PARD3: variants seen among roughly 807,000 people sequenced by gnomAD.
PARD3 encodes partitioning defective 3 homolog.
PARD3 carries 75 observed loss-of-function variants against 155.4 expected under a neutral mutation model. That is an observed-to-expected ratio of 0.48 (90% CI 0.40 to 0.58). The LOEUF is 0.58. PARD3 is among the 20% of genes least tolerant of loss of function. The pLI, the probability that PARD3 is intolerant of heterozygous loss-of-function variation, is 0.00. For synonymous variants in PARD3, 576 were observed against 610.5 expected (o/e 0.94, Z 0.83); for missense variants, 1,642 against 1,721.7 (o/e 0.95, Z 0.82).
intron 22 of PARD3, among the ~76,000 whole-genome samples, chr10:34,186,680 G>A (rs938023751): frequency 2.0e-5 from 3 of 152,112 alleles, no homozygotes; most frequent in Non-Finnish European, 4.4e-5. Flanking sequence ...AACCTCAAAA[G>A]GCCATGTAAG....
At chr10:34,758,409 A>G (rs978337315) in intron 1 of PARD3, among the ~76,000 whole-genome samples, 5 of 152,234 alleles carry the variant, frequency 3.3e-5, no homozygotes, top group Non-Finnish European at 7.3e-5. Context: ...AAAGTGGCAG[A>G]GCATTATTCC....
chr10:34,116,789 A>G (rs1564404783), intron 24 of PARD3, among the ~76,000 whole-genome samples: 1 of 152,256 alleles, frequency 6.6e-6, no homozygotes, highest in Non-Finnish European at 1.5e-5. Flanking sequence ...CAATTAACCC[A>G]GAGGGAAAGC....
intron 12 of PARD3, among the ~76,000 whole-genome samples, chr10:34,360,827 C>A (rs1483118698): frequency 1.3e-5 from 2 of 152,226 alleles, no homozygotes; most frequent in East Asian, 3.9e-4. Flanking sequence ...TATACAACAT[C>A]ACAGAAAACT....
chr10:34,606,638 C>CAAAA (rs398013195), intron 2 of PARD3, among the ~76,000 whole-genome samples: 44 of 79,630 alleles, frequency 5.5e-4, no homozygotes, highest in African/African-American at 1.7e-3. Context: ...CCCGTGTCTT[C>CAAAA]AAAAAAAAAA....
intron 1 of PARD3, among the ~76,000 whole-genome samples, chr10:34,812,813 C>G (rs1160326583): frequency 6.6e-6 from 1 of 152,134 alleles, no homozygotes; most frequent in Non-Finnish European, 1.5e-5. Flanking sequence ...AGCTCATAGG[C>G]CCCTTTTCTC....
At chr10:34,234,783 C>CAATG (rs1953127510) in intron 22 of PARD3, among the ~76,000 whole-genome samples, 1 of 152,096 alleles carries the variant, frequency 6.6e-6, no homozygotes. Flanking sequence ...TATATTTGCT[C>CAATG]AATGAATGAA....
At chr10:34,362,484 C>T (rs975265108) in intron 12 of PARD3, among the ~76,000 whole-genome samples, 3 of 152,002 alleles carry the variant, frequency 2.0e-5, no homozygotes, top group African/African-American at 7.3e-5. Flanking sequence ...CCATGTAGCT[C>T]AAAACAAGTG....
chr10:34,144,104 AGTTATT>A (rs1329929718), intron 22 of PARD3, among the ~76,000 whole-genome samples: 5 of 152,152 alleles, frequency 3.3e-5, no homozygotes, highest in African/African-American at 1.2e-4. Context: ...ATTGGTTTGG[AGTTATT>A]GATAGATTTT....
intron 5 of PARD3, among the ~76,000 whole-genome samples, chr10:34,421,228 G>A (rs2132422097): frequency 6.6e-6 from 1 of 151,456 alleles, no homozygotes; most frequent in Non-Finnish European, 1.5e-5. Flanking sequence ...ATGATCCCAA[G>A]GAAAACTGCA....
chr10:34,399,814 C>A (rs1252287546), intron 6 of PARD3, among the ~76,000 whole-genome samples: 1 of 152,204 alleles, frequency 6.6e-6, no homozygotes, highest in South Asian at 2.1e-4. Flanking sequence ...TAAAGATTAA[C>A]TGAACAAAGA....
chr10:34,477,259 A>G (rs993707148), intron 3 of PARD3, among the ~76,000 whole-genome samples: 2 of 152,218 alleles, frequency 1.3e-5, no homozygotes, highest in Admixed American at 1.3e-4. Flanking sequence ...AAATATGATA[A>G]AACTTTCTAA....
At chr10:34,590,289 A>T (rs778173979) in intron 2 of PARD3, among the ~76,000 whole-genome samples, 7 of 152,174 alleles carry the variant, frequency 4.6e-5, no homozygotes, top group Non-Finnish European at 5.9e-5. Context: ...CACTCAAAGA[A>T]TCCTTAAAAT....
intron 3 of PARD3, among the ~76,000 whole-genome samples, chr10:34,511,007 T>G (rs1332512658): frequency 4.6e-5 from 7 of 152,194 alleles, no homozygotes; most frequent in Non-Finnish European, 1.0e-4. Context: ...TTAAATAAGA[T>G]CCAGACATTA....
In PARD3 at chr10:34,154,467, A is replaced by G. The variant is rs77868724; in HGVS notation, c.3420-22884T>C. Among the ~76,000 whole-genome samples the G allele has an allele frequency of 9.9e-3, 1,513 of 152,282 alleles. 26 individuals are homozygous for G. The highest frequency in any genetic ancestry group is 0.034 in the African/African-American group (1,425 of 41,554). ...GATGCCTGGAATGAAGCCTGCTTGG[A>G]TCCTGAGCAAGGGAGGATACAAACA... On this transcript the variant is annotated intron_variant, in intron 22 of 24. Transcript: ENST00000374788.
At chr10:34,700,845 GCCTGTAGTCCCAGCTCCTCTTTCT>G (rs2094261100) in intron 1 of PARD3, among the ~76,000 whole-genome samples, 1 of 151,998 alleles carries the variant, frequency 6.6e-6, no homozygotes, top group African/African-American at 2.4e-5. Context: ...GGTGGCGTGC[GCCTGTAGTCCCAGCTCCTCTTTCT>G]CCTGTAGTCC....
intron 22 of PARD3, among the ~76,000 whole-genome samples, chr10:34,238,840 AT>A (rs1258965496): frequency 6.6e-6 from 1 of 152,246 alleles, no homozygotes; most frequent in Non-Finnish European, 1.5e-5. Flanking sequence ...CTGATTAAAA[AT>A]AAGCAGCATT....
chr10:34,775,030 C>CA (rs1839364932), intron 1 of PARD3, among the ~76,000 whole-genome samples: 1 of 152,196 alleles, frequency 6.6e-6, no homozygotes, highest in Non-Finnish European at 1.5e-5. Context: ...AAACAAGTGC[C>CA]AAACAAATAA....
At chr10:34,131,406 C>T in intron 23 of PARD3, 57 bp downstream of exon 23, 3 of 1,604,854 alleles carry the variant, frequency 1.9e-6, no homozygotes, top group Admixed American at 3.3e-5. Flanking sequence ...AGCTTAGTGG[C>T]CTTTGCTGCA....
intron 24 of PARD3, among the ~76,000 whole-genome samples, chr10:34,115,204 G>A (rs1036782748): frequency 2.6e-5 from 4 of 152,178 alleles, no homozygotes; most frequent in African/African-American, 9.7e-5. Context: ...GAGAACGCGG[G>A]AGGGTGCAGA....
Sources: allele counts gnomAD v4.1 joint callset (sites outside exome capture counted in the v4.1 genomes callset), GRCh38; gene constraint gnomAD v4.1.1; transcripts MANE v1.5; gene names NCBI Gene and HGNC (gene_info 2026-07-23, HGNC 2026-07-21).